Variants in RBM19 observed in about 807,000 individuals in gnomAD.
RBM19 encodes the protein probable RNA-binding protein 19.
In RBM19, 94 loss-of-function variants were observed where a neutral mutation model predicts 116.8. The ratio of observed to expected loss-of-function variants is 0.80; its 90% CI spans 0.68 to 0.95. The LOEUF is 0.95. Among genes scored for constraint, RBM19 ranks in the 40% least tolerant of loss-of-function variants. The pLI is 0.00. For missense variants in RBM19, 1,161 were observed against 1,220.7 expected, an observed-to-expected ratio of 0.95 and a Z score of 0.73; for synonymous variants, 475 against 494.1, an observed-to-expected ratio of 0.96 and a Z score of 0.51.
chr12:113,883,027 G>T (rs1018223721), intron 21 of RBM19, among the ~76,000 whole-genome samples: 7 of 152,142 alleles, frequency 4.6e-5, no homozygotes, highest in African/African-American at 1.7e-4. Flanking sequence ...AAAGGCAAAA[G>T]GAGAGAAAGA....
In RBM19 at chr12:113,894,160, G is replaced by T. The variant is rs373962805; in HGVS notation, c.2558+20809C>A. Reference sequence around the variant, plus strand: ...TCTTTCCCCTTCCCCTGAATGGTAGGTGAGAGGAGCACACACTTCAGAGGC... The same window carrying T: ...TCTTTCCCCTTCCCCTGAATGGTAGTTGAGAGGAGCACACACTTCAGAGGC... On this transcript the variant is annotated intron_variant, in intron 21 of 23. Coordinates refer to ENST00000261741, the MANE Select transcript of RBM19 (RefSeq NM_016196.4). 3.1e-3 allele frequency among the ~76,000 whole-genome samples: 301 copies of T among 95,642 alleles called. 1 individual carries two copies. The highest frequency in any genetic ancestry group is 0.012 in the African/African-American group (289 of 24,156). 62.7% of individuals were successfully genotyped at this position (95,642 alleles called of 152,430 possible). A position where few individuals can be genotyped will look rare whatever the true frequency, so the allele number is the denominator to read the frequency against.
chr12:113,940,251 G>T, intron 14 of RBM19, 91 bp from the exon 15 acceptor site: 1 of 1,350,468 alleles, frequency 7.4e-7, no homozygotes, highest in Non-Finnish European at 1.0e-6. Flanking sequence ...CTCCAGACAA[G>T]GCTCTCCATT....
At chr12:113,844,626 A>AG in intron 23 of RBM19, 42 bp downstream of exon 23, 1 of 1,578,590 alleles carries the variant, frequency 6.3e-7, no homozygotes, top group Non-Finnish European at 8.6e-7. Flanking sequence ...TGTGTTCCCC[A>AG]GGGGGCCCAT....
chr12:113,867,432 C>T (rs2135757516), intron 21 of RBM19, among the ~76,000 whole-genome samples: 1 of 152,264 alleles, frequency 6.6e-6, no homozygotes, highest in African/African-American at 2.4e-5. Context: ...GAAATGTGGA[C>T]CTGATGTGCT....
At chr12:113,870,628 G>T (rs1229145600) in intron 21 of RBM19, among the ~76,000 whole-genome samples, 1 of 152,166 alleles carries the variant, frequency 6.6e-6, no homozygotes, top group Non-Finnish European at 1.5e-5. Flanking sequence ...AATACAGGGA[G>T]AATGTCCACT....
intron 8 of RBM19, 87 bp from the exon 9 acceptor site, chr12:113,950,241 G>T: frequency 9.1e-7 from 1 of 1,100,802 alleles, no homozygotes; most frequent in Non-Finnish European, 1.4e-6. Flanking sequence ...ACTGTGCTAG[G>T]AGCAGAAAGT....
At chr12:113,862,310 G>T (rs1411314833) in intron 21 of RBM19, among the ~76,000 whole-genome samples, 1 of 152,140 alleles carries the variant, frequency 6.6e-6, no homozygotes, top group African/African-American at 2.4e-5. Flanking sequence ...CAAAATCGAG[G>T]CGAGATCTTT....
chr12:113,833,139 C>T (rs1357638976), intron 23 of RBM19, among the ~76,000 whole-genome samples: 1 of 152,172 alleles, frequency 6.6e-6, no homozygotes, highest in Non-Finnish European at 1.5e-5. Flanking sequence ...AACACCCCCG[C>T]CCAGCCACCT....
intron 22 of RBM19, among the ~76,000 whole-genome samples, chr12:113,855,308 C>T (rs1469522813): frequency 2.0e-5 from 3 of 152,170 alleles, no homozygotes; most frequent in Non-Finnish European, 2.9e-5. Flanking sequence ...GGGAGCAAGC[C>T]GCGGCACTGG....
In RBM19 at chr12:113,966,280, C is replaced by CCAA. The variant is rs3217700; in HGVS notation, c.-56_-54dup. On this transcript the variant is annotated 5_prime_UTR_variant, in exon 1 of 24. Transcript: ENST00000261741. ...CAACACGACTGGTCAGCGTCTTCCA[C>CCAA]CAAGTTTCACGCTACCGCCCTGGGC... is the stretch of plus-strand genomic sequence containing the variant. 0.031 allele frequency: 49,887 copies of CCAA among 1,611,840 alleles called. 2,288 individuals carry two copies. Among genetic ancestry groups the CCAA allele is most frequent in the Admixed American group, 0.2 (12,175 of 59,994 alleles).
rs190188621 is a variant in RBM19 at position 113,912,786 on chromosome 12, C to T, written c.2558+2183G>A. On this transcript the variant is annotated intron_variant, in intron 21 of 23. Coordinates refer to ENST00000261741, the MANE Select transcript of RBM19 (RefSeq NM_016196.4). ...AGCTTGGTTCCCCGAAACCCTGAAA[C>T]CTCCCCCTGGCTAATGACCTTTACC... is the stretch of plus-strand genomic sequence containing the variant. Among the ~76,000 whole-genome samples, 468 of 152,288 alleles carry T rather than the reference C, an allele frequency of 3.1e-3. 11 individuals carry two copies. The highest frequency in any genetic ancestry group is 0.026 in the Admixed American group (398 of 15,296).
intron 21 of RBM19, among the ~76,000 whole-genome samples, chr12:113,882,539 C>T (rs572049797): frequency 4.6e-5 from 7 of 152,354 alleles, no homozygotes; most frequent in South Asian, 4.1e-4. Context: ...TCAAGATGAA[C>T]GACTGGCACA....
chr12:113,864,716 G>C (rs751733641), intron 21 of RBM19, among the ~76,000 whole-genome samples: 1 of 152,174 alleles, frequency 6.6e-6, no homozygotes, highest in African/African-American at 2.4e-5. Flanking sequence ...CTTGGGAACA[G>C]AACTATCATC....
chr12:113,874,534 G>C (rs946439892), intron 21 of RBM19, among the ~76,000 whole-genome samples: 2 of 152,216 alleles, frequency 1.3e-5, no homozygotes. Context: ...CACAGGACTT[G>C]CGTGTGGGTC....
chr12:113,844,553 C>T, intron 23 of RBM19, 115 bp downstream of exon 23: 1 of 1,373,798 alleles, frequency 7.3e-7, no homozygotes, highest in Non-Finnish European at 9.6e-7. Context: ...AGGTGCTTGG[C>T]AGCCCTTGTG....
chr12:113,884,385 TC>T (rs1880388775), intron 21 of RBM19, among the ~76,000 whole-genome samples: 1 of 151,644 alleles, frequency 6.6e-6, no homozygotes, highest in African/African-American at 2.4e-5. Context: ...TTTGCCCCTG[TC>T]CCCACCTCTA....
intron 21 of RBM19, among the ~76,000 whole-genome samples, chr12:113,865,888 T>A (rs1431129215): frequency 6.6e-6 from 1 of 151,604 alleles, no homozygotes; most frequent in East Asian, 1.9e-4. Context: ...ACTGTCTGGA[T>A]AATGATGTTC....
At chr12:113,897,677 A>T (rs963509154) in intron 21 of RBM19, among the ~76,000 whole-genome samples, 12 of 151,964 alleles carry the variant, frequency 7.9e-5, no homozygotes, top group Non-Finnish European at 4.4e-5. Context: ...AATCTGATAG[A>T]CTCTCAGGGC....
intron 18 of RBM19, among the ~76,000 whole-genome samples, chr12:113,920,913 TATTA>T (rs1420242212): frequency 6.6e-6 from 1 of 152,222 alleles, no homozygotes; most frequent in Non-Finnish European, 1.5e-5. Flanking sequence ...CCCATTTGAC[TATTA>T]ATTAACAGAT....
Sources: allele counts gnomAD v4.1 joint callset (sites outside exome capture counted in the v4.1 genomes callset), GRCh38; gene constraint gnomAD v4.1.1; transcripts MANE v1.5; gene names NCBI Gene and HGNC (gene_info 2026-07-23, HGNC 2026-07-21).